Variants in ATP8A1 observed in about 807,000 individuals in gnomAD.
The protein encoded by ATP8A1 is ATPase phospholipid transporting 8A1, also known as phospholipid-transporting ATPase IA.
A neutral mutation model predicts 177.7 loss-of-function variants in ATP8A1; 90 were observed. The observed-to-expected ratio is 0.51, with a 90% confidence interval of 0.43 to 0.60. The LOEUF is 0.60. Ranked by LOEUF, ATP8A1 falls within the 20% of genes least tolerant of loss-of-function variation. ATP8A1 has a pLI of 0.00. For synonymous variants in ATP8A1, 493 were observed against 485.9 expected, an observed-to-expected ratio of 1.01 and a Z score of -0.19; for missense variants, 1,072 against 1,392.8, an observed-to-expected ratio of 0.77 and a Z score of 3.67.
intron 20 of ATP8A1, among the ~76,000 whole-genome samples, chr4:42,527,613 C>T (rs1726809884): frequency 6.6e-6 from 1 of 152,188 alleles, no homozygotes; most frequent in Non-Finnish European, 1.5e-5. Context: ...CCCCTGTTTG[C>T]TTCTAGACCT....
At chr4:42,578,218 A>T (rs781150239) in intron 12 of ATP8A1, 42 bp downstream of exon 12, 1 of 1,519,404 alleles carries the variant, frequency 6.6e-7, no homozygotes, top group Non-Finnish European at 8.8e-7. Flanking sequence ...CCTAAGGACA[A>T]AATTATTTTG....
At position 42,588,244 on chromosome 4, in the gene ATP8A1, T is replaced by C. The variant is rs536286233; in HGVS notation, c.594+16A>G. 2.1e-5 allele frequency: 33 copies of C among 1,586,784 alleles called. No homozygotes were observed. The East Asian group carries it at 3.6e-4, about 17-fold the overall frequency. ...AAAATAGCAGTGATTATACATATAC[T>C]TGTATCAGATCTTACCTGTCTAATT... On this transcript the variant is annotated intron_variant, in intron 8 of 36. Transcript: ENST00000381668.
At chr4:42,434,497 T>C (rs1490691395) in intron 33 of ATP8A1, among the ~76,000 whole-genome samples, 1 of 152,188 alleles carries the variant, frequency 6.6e-6, no homozygotes, top group African/African-American at 2.4e-5. Flanking sequence ...AAAACAGCTG[T>C]TATATGGCTT....
intron 22 of ATP8A1, among the ~76,000 whole-genome samples, chr4:42,507,798 A>AAACAAAAC (rs751600291): frequency 0.04 from 4,929 of 124,320 alleles, 291 homozygotes; most frequent in East Asian, 0.086. Context: ...AAAAAAAAAA[A>AAACAAAAC]AAAAAAAAAA....
intron 22 of ATP8A1, among the ~76,000 whole-genome samples, chr4:42,521,399 T>C (rs1186713939): frequency 6.6e-6 from 1 of 152,176 alleles, no homozygotes; most frequent in Non-Finnish European, 1.5e-5. Context: ...CAAAGGGATG[T>C]TGTGAGGACT....
chr4:42,643,831 G>A (rs1740251446), intron 1 of ATP8A1, among the ~76,000 whole-genome samples: 1 of 152,154 alleles, frequency 6.6e-6, no homozygotes, highest in Admixed American at 6.6e-5. Flanking sequence ...GCTCAAGGCC[G>A]CACAGCTTTG....
intron 25 of ATP8A1, chr4:42,471,964 A>G (rs1720468423): frequency 4.3e-6 from 3 of 696,420 alleles, no homozygotes; most frequent in Non-Finnish European, 8.2e-6. Context: ...CAAAGAGCCT[A>G]AGTTGGTGGT....
intron 14 of ATP8A1, among the ~76,000 whole-genome samples, chr4:42,571,980 A>G (rs1458994682): frequency 2.0e-5 from 3 of 152,214 alleles, no homozygotes; most frequent in African/African-American, 4.8e-5. Context: ...TAGGAATTAT[A>G]CTATCAGGAA....
chr4:42,507,596 G>A (rs369468838), intron 22 of ATP8A1, among the ~76,000 whole-genome samples: 27 of 151,740 alleles, frequency 1.8e-4, no homozygotes, highest in African/African-American at 5.8e-4. Context: ...GGGCATGGTG[G>A]TGTGTGCCTG....
In ATP8A1 at chr4:42,528,387, T is replaced by G. The variant is rs147110237; in HGVS notation, c.1723-3540A>C. ...AGAGATTAGTGCCACCATCAAGGACTTGAAAGACGCAGGGGTGGTGATTCC... is the reference window on the plus strand; with the variant it reads ...AGAGATTAGTGCCACCATCAAGGACGTGAAAGACGCAGGGGTGGTGATTCC... On this transcript the variant is annotated intron_variant, in intron 20 of 36. Coordinates refer to ENST00000381668, the MANE Select transcript of ATP8A1 (RefSeq NM_006095.2). Among the ~76,000 whole-genome samples the G allele has an allele frequency of 5.2e-3, 799 of 152,260 alleles. 7 individuals carry two copies. The highest frequency in any genetic ancestry group is 0.017 in the African/African-American group (714 of 41,546).
chr4:42,466,001 C>T lies in ATP8A1; in HGVS notation c.2325-925G>A, dbSNP rs559801513. Among the ~76,000 whole-genome samples the T allele has an allele frequency of 1.7e-4, 23 of 133,298 alleles. No individual in the cohort carries two copies. The South Asian group carries it at 5.3e-3, about 31-fold the overall frequency. 87.4% of individuals were successfully genotyped at this position (133,298 alleles called of 152,430 possible). A position where few individuals can be genotyped will look rare whatever the true frequency, so the allele number is the denominator to read the frequency against. ...GAGCCGAGATCGTGCCACTGCACTC[C>T]AGCCTGGGCGACAGAGCAAGACTCC... On this transcript the variant is annotated intron_variant, in intron 25 of 36. Transcript: ENST00000381668.
At chr4:42,535,948 G>C (rs59742101) in intron 20 of ATP8A1, among the ~76,000 whole-genome samples, 6,591 of 152,154 alleles carry the variant, frequency 0.043, 184 homozygotes, top group South Asian at 0.094. Flanking sequence ...AAACCTCTGG[G>C]ACACAGCACA....
chr4:42,472,996 G>T (rs1383237612), intron 25 of ATP8A1, among the ~76,000 whole-genome samples: 3 of 152,088 alleles, frequency 2.0e-5, no homozygotes, highest in Non-Finnish European at 4.4e-5. Context: ...AAGGCAAGAA[G>T]AATATTGACA....
intron 1 of ATP8A1, among the ~76,000 whole-genome samples, chr4:42,644,615 G>C (rs1740343770): frequency 6.6e-6 from 1 of 151,948 alleles, no homozygotes; most frequent in Non-Finnish European, 1.5e-5. Flanking sequence ...ACAGTACTAT[G>C]GTGTTTTTCT....
chr4:42,502,476 A>T (rs996161175), intron 24 of ATP8A1, among the ~76,000 whole-genome samples: 2 of 152,208 alleles, frequency 1.3e-5, no homozygotes, highest in African/African-American at 4.8e-5. Flanking sequence ...GGCAAGAATA[A>T]GACAAAAGAA....
intron 22 of ATP8A1, among the ~76,000 whole-genome samples, chr4:42,520,938 T>C (rs991085646): frequency 2.0e-5 from 3 of 151,994 alleles, no homozygotes; most frequent in Non-Finnish European, 4.4e-5. Context: ...GGTAACCTTG[T>C]GCAATAAAGA....
At chr4:42,442,138 GC>G (rs754989524) in intron 33 of ATP8A1, among the ~76,000 whole-genome samples, 2 of 152,080 alleles carry the variant, frequency 1.3e-5, no homozygotes, top group Non-Finnish European at 2.9e-5. Context: ...AAACCTATTG[GC>G]CACACTTGCT....
At chr4:42,533,241 T>C (rs1265141107) in intron 20 of ATP8A1, among the ~76,000 whole-genome samples, 2 of 152,148 alleles carry the variant, frequency 1.3e-5, no homozygotes, top group South Asian at 2.1e-4. Flanking sequence ...GGGAAGCTTG[T>C]AGCTGGGGGC....
rs1401715425 is a variant in ATP8A1, at chr4:42,410,169, C to T, written c.*2747G>A. 6.6e-6 allele frequency: 1 copy of T among 152,104 alleles called. No individual in the cohort carries two copies. 9.4% of individuals were successfully genotyped at this position (152,104 alleles called of 1,614,324 possible). A position where few individuals can be genotyped will look rare whatever the true frequency, so the allele number is the denominator to read the frequency against. On this transcript the variant is annotated 3_prime_UTR_variant, in exon 37 of 37. Transcript: ENST00000381668. ...ATATAACATCTTTCTGGGTGTGAGA[C>T]ACCAATATATTTTTATATGTATATA...
Sources: allele counts gnomAD v4.1 joint callset (sites outside exome capture counted in the v4.1 genomes callset), GRCh38; gene constraint gnomAD v4.1.1; transcripts MANE v1.5; gene names NCBI Gene and HGNC (gene_info 2026-07-23, HGNC 2026-07-21).